Variants in SIRT4 observed in about 807,000 individuals in gnomAD.
SIRT4 encodes the protein sirtuin 4, also known as NAD-dependent protein lipoamidase sirtuin-4, mitochondrial.
Under a neutral mutation model 26.1 loss-of-function variants are expected in SIRT4, and 23 were observed. That is an observed-to-expected ratio of 0.88 (90% CI 0.63 to 1.25). The LOEUF (loss-of-function observed/expected upper bound fraction) is 1.25, where lower values mean the gene tolerates loss of function less well. Among genes scored for constraint, SIRT4 ranks in the 50% most tolerant of loss-of-function variants. The pLI, the probability that SIRT4 is intolerant of heterozygous loss-of-function variation, is 0.00. For synonymous variants in SIRT4, 155 were observed against 158.4 expected, an observed-to-expected ratio of 0.98 and a Z score of 0.16; for missense variants, 361 against 405.4, an observed-to-expected ratio of 0.89 and a Z score of 0.94.
In SIRT4 at chr12:120,310,997, A is replaced by C. The variant is rs1217617833; in HGVS notation, c.498-1459A>C. Reference sequence around the variant, plus strand: ...TGATCCGCCCGCCTCGGCCTCCCAAAGTGTTGGGATTACAGGCGTGAGCCA... The same window carrying C: ...TGATCCGCCCGCCTCGGCCTCCCAACGTGTTGGGATTACAGGCGTGAGCCA... On this transcript the variant is annotated intron_variant, in intron 2 of 3. Transcript: ENST00000202967. 2.2e-5 allele frequency among the ~76,000 whole-genome samples: 3 copies of C among 137,862 alleles called. No individual in the cohort carries two copies. In the Admixed American group the frequency reaches 2.2e-4, roughly 10 times the overall value. 90.4% of individuals were successfully genotyped at this position (137,862 alleles called of 152,430 possible).
chr12:120,295,303 C>T, the SIRT4 span, among the ~76,000 whole-genome samples: 2 of 149,918 alleles, frequency 1.3e-5, no homozygotes, highest in East Asian at 3.9e-4. Context: ...CAACCTCTGC[C>T]TCCTGGGTTC....
rs780402014 is a variant in SIRT4, at chr12:120,303,752, G to A, written c.191G>A (p.Gly64Glu). The change falls in exon 2 of 4, where the codon GGA (glycine) becomes GAA (glutamate). Residue 64 changes from glycine (G) to glutamate (E), a missense_variant. Gly to Glu is a moderately conservative substitution (Grantham distance 98). Coordinates refer to ENST00000202967, the MANE Select transcript of SIRT4 (RefSeq NM_012240.3). ...SKRLLVMTGA[G>E]ISTESGIPDY... is the part of the protein sequence containing the mutation. Reference sequence around the variant, plus strand: ...AGACTCCTTGTGATGACTGGGGCAGGAATCTCCACCGAATCGGGGATACCA... The same window carrying A: ...AGACTCCTTGTGATGACTGGGGCAGAAATCTCCACCGAATCGGGGATACCA... 7 of 1,614,110 alleles carry A rather than the reference G, an allele frequency of 4.3e-6. No individual in the cohort carries two copies. The highest frequency in any genetic ancestry group is 5.9e-6 in the Non-Finnish European group (7 of 1,180,024).
At chr12:120,304,136 C>T (rs1872653944) in intron 2 of SIRT4, 78 bp downstream of exon 2, 5 of 1,530,838 alleles carry the variant, frequency 3.3e-6, no homozygotes, top group East Asian at 4.5e-5. Context: ...GTCTTGATCA[C>T]CACAGTCTTA....
chr12:120,308,597 G>T (rs1021690063), intron 2 of SIRT4, among the ~76,000 whole-genome samples: 5 of 152,150 alleles, frequency 3.3e-5, no homozygotes. Flanking sequence ...CCTGGCCTCT[G>T]TAGAGGTTTG....
At position 120,303,914 on chromosome 12, in the gene SIRT4, C is replaced by T. The variant is rs1361498850; in HGVS notation, c.353C>T (p.Ser118Phe). Residue 118 changes from serine (S) to phenylalanine (F), a missense_variant, in exon 2 of 4, where the codon TCC becomes TTC. Physicochemically the swap from Ser to Phe is radical, Grantham distance 155. Coordinates refer to ENST00000202967, the MANE Select transcript of SIRT4 (RefSeq NM_012240.3). ...TTCGTAGGCTGGCCTCAATTCTCCTCCCACCAGCCTAACCCTGCACACTGG... is the reference window on the plus strand; with the variant it reads ...TTCGTAGGCTGGCCTCAATTCTCCTTCCACCAGCCTAACCCTGCACACTGG... ...RNFVGWPQFS[S>F]HQPNPAHWAL... is the part of the protein sequence containing the mutation. The T allele has an allele frequency of 6.2e-7, 1 of 1,614,192 alleles. No individual in the cohort carries two copies. The highest frequency in any genetic ancestry group is 1.1e-5 in the South Asian group (1 of 91,082).
chr12:120,300,622 AT>A (rs911585650), upstream of SIRT4, among the ~76,000 whole-genome samples: 2 of 151,930 alleles, frequency 1.3e-5, no homozygotes, highest in African/African-American at 4.8e-5. Context: ...AATTTTGTTT[AT>A]TTTTTGTAGT....
chr12:120,302,417 T>C (rs1403154382), intron 1 of SIRT4, 39 bp downstream of exon 1: 1 of 152,246 alleles, frequency 6.6e-6, no homozygotes, highest in Non-Finnish European at 1.5e-5. Context: ...TTCTAGAAGT[T>C]GTGGATTTCT....
At chr12:120,292,935 T>C in the SIRT4 span, among the ~76,000 whole-genome samples, 3 of 152,172 alleles carry the variant, frequency 2.0e-5, no homozygotes, top group African/African-American at 7.2e-5. Flanking sequence ...CGCAAATCAC[T>C]AAAACAGGTA....
At chr12:120,304,522 T>C (rs1872665375) in intron 2 of SIRT4, among the ~76,000 whole-genome samples, 2 of 151,398 alleles carry the variant, frequency 1.3e-5, no homozygotes, top group Non-Finnish European at 2.9e-5. Context: ...TGGTGGCACA[T>C]GCCTGTAATC....
At chr12:120,294,673 TCAG>T in the SIRT4 span, among the ~76,000 whole-genome samples, 5 of 151,426 alleles carry the variant, frequency 3.3e-5, no homozygotes, top group Admixed American at 6.6e-5. Flanking sequence ...TCCTCCCACT[TCAG>T]CTGGATACTT....
At chr12:120,295,613 T>C in the SIRT4 span, among the ~76,000 whole-genome samples, 9 of 151,584 alleles carry the variant, frequency 5.9e-5, no homozygotes, top group Non-Finnish European at 1.0e-4. Flanking sequence ...TGCTGGATCA[T>C]ATGTTAATTC....
chr12:120,293,044 C>A, the SIRT4 span: 3 of 150,008 alleles, frequency 2.0e-5, no homozygotes, highest in Non-Finnish European at 4.4e-5. Context: ...CAAAACCAAG[C>A]ACCCCCACAC....
At chr12:120,311,582 A>T (rs1872974282) in intron 2 of SIRT4, among the ~76,000 whole-genome samples, 1 of 148,964 alleles carries the variant, frequency 6.7e-6, no homozygotes, top group Non-Finnish European at 1.5e-5. Context: ...AAATACAAAA[A>T]AAATTAGTCG....
At chr12:120,293,476 A>G in the SIRT4 span, among the ~76,000 whole-genome samples, 2 of 152,234 alleles carry the variant, frequency 1.3e-5, no homozygotes, top group African/African-American at 2.4e-5. Flanking sequence ...GACTTAATTC[A>G]GAGACTGCGA....
At chr12:120,292,888 T>C in the SIRT4 span, among the ~76,000 whole-genome samples, 3 of 152,188 alleles carry the variant, frequency 2.0e-5, no homozygotes, top group Admixed American at 1.3e-4. Context: ...ACCTTAAAAG[T>C]AGAGATCACA....
intron 3 of SIRT4, 36 bp from the exon 4 acceptor site, chr12:120,312,848 C>T: frequency 6.2e-7 from 1 of 1,612,468 alleles, no homozygotes; most frequent in Non-Finnish European, 8.5e-7. Context: ...ATCTAGAGAA[C>T]CTAGACATTC....
At chr12:120,301,162 T>C (rs542913879), upstream of SIRT4, among the ~76,000 whole-genome samples, 58 of 152,224 alleles carry the variant, frequency 3.8e-4, no homozygotes, top group Admixed American at 1.0e-3. Context: ...CTGGCTAACA[T>C]GGTGAAACCT....
intron 2 of SIRT4, among the ~76,000 whole-genome samples, chr12:120,310,876 C>T (rs1177587181): frequency 6.6e-6 from 1 of 151,326 alleles, no homozygotes; most frequent in African/African-American, 2.4e-5. Context: ...GCTGGGACTA[C>T]AGGCGCCCGC....
Position 120,312,624 on chromosome 12 carries a change from A to G in SIRT4, c.666A>G (p.Gln222=), listed in dbSNP as rs537210905. 2.5e-6 allele frequency: 4 copies of G among 1,614,122 alleles called. No individual in the cohort carries two copies. Among genetic ancestry groups the G allele is most frequent in the Non-Finnish European group, 3.4e-6 (4 of 1,180,030 alleles). The part of the protein sequence containing the change: ...VRSFQVPTCV[Q]CGGHLKPDVV... ...GCTTTCAGGTCCCAACCTGCGTTCA[A>G]TGTGGAGGCCATCTGAAACCAGATG... Residue 222 remains glutamine, a synonymous_variant, in exon 3 of 4, where the codon CAA becomes CAG. Coordinates refer to ENST00000202967, the MANE Select transcript of SIRT4 (RefSeq NM_012240.3).
Sources: allele counts gnomAD v4.1 joint callset (sites outside exome capture counted in the v4.1 genomes callset), GRCh38; gene constraint gnomAD v4.1.1; transcripts MANE v1.5; gene names NCBI Gene and HGNC (gene_info 2026-07-23, HGNC 2026-07-21).